Variants in UBE2H observed in about 807,000 individuals in gnomAD.
UBE2H encodes ubiquitin conjugating enzyme E2 H.
A neutral mutation model predicts 29.0 loss-of-function variants in UBE2H; 3 were observed. The ratio of observed to expected loss-of-function variants is 0.10; its 90% CI spans 0.05 to 0.27. The LOEUF (loss-of-function observed/expected upper bound fraction) is 0.27, where lower values mean the gene tolerates loss of function less well. Ranked by LOEUF, UBE2H falls within the 10% of genes least tolerant of loss-of-function variation. The probability of loss-of-function intolerance (pLI) is 1.00; values close to 1 mark genes in which losing one functional copy is unlikely to be tolerated. For synonymous variants in UBE2H, 69 were observed against 82.9 expected, an observed-to-expected ratio of 0.83 and a Z score of 0.91; for missense variants, 68 against 228.2, an observed-to-expected ratio of 0.30 and a Z score of 4.52.
chr7:129,917,587 A>G (rs1186810151), intron 1 of UBE2H, among the ~76,000 whole-genome samples: 1 of 152,218 alleles, frequency 6.6e-6, no homozygotes, highest in African/African-American at 2.4e-5. Context: ...GCTTCTGTCT[A>G]GTTCTTTTCA....
chr7:129,935,698 T>C (rs1279251829), intron 1 of UBE2H, among the ~76,000 whole-genome samples: 1 of 152,220 alleles, frequency 6.6e-6, no homozygotes, highest in Non-Finnish European at 1.5e-5. Flanking sequence ...CTTATATTGA[T>C]AAGCAGGATT....
chr7:129,864,626 A>G (rs973198367), intron 3 of UBE2H, among the ~76,000 whole-genome samples: 1 of 135,660 alleles, frequency 7.4e-6, no homozygotes, highest in Non-Finnish European at 1.5e-5. Context: ...ATCTCGGCTC[A>G]CTGCAGCCTC....
intron 3 of UBE2H, among the ~76,000 whole-genome samples, chr7:129,859,388 G>A (rs189412708): frequency 5.9e-5 from 9 of 152,212 alleles, no homozygotes; most frequent in Non-Finnish European, 1.2e-4. Context: ...TGGCTGCACT[G>A]TGCACGGAAC....
intron 1 of UBE2H, among the ~76,000 whole-genome samples, chr7:129,939,261 A>G (rs1807594391): frequency 6.6e-6 from 1 of 152,196 alleles, no homozygotes; most frequent in African/African-American, 2.4e-5. Context: ...TGTACACTAC[A>G]GCCTTGGACT....
chr7:129,857,415 C>T (rs1805726566), intron 5 of UBE2H, 96 bp downstream of exon 5: 1 of 1,350,088 alleles, frequency 7.4e-7, no homozygotes, highest in Admixed American at 2.2e-5. Flanking sequence ...CTTCCCATTA[C>T]CAACAAAACA....
chr7:129,923,151 C>T (rs1228196834), intron 1 of UBE2H, among the ~76,000 whole-genome samples: 2 of 152,100 alleles, frequency 1.3e-5, no homozygotes, highest in South Asian at 2.1e-4. Context: ...CCACCCGCCT[C>T]GGCCTCCCAA....
chr7:129,855,645 G>C (rs1001642649), intron 5 of UBE2H, among the ~76,000 whole-genome samples: 4 of 152,226 alleles, frequency 2.6e-5, no homozygotes, highest in Non-Finnish European at 5.9e-5. Flanking sequence ...GAGAGAGAGA[G>C]ACGAGAACAA....
intron 1 of UBE2H, among the ~76,000 whole-genome samples, chr7:129,902,135 G>T (rs1806728027): frequency 6.6e-6 from 1 of 152,072 alleles, no homozygotes; most frequent in Non-Finnish European, 1.5e-5. Flanking sequence ...CTGAGCAAAT[G>T]AATAAAAAAA....
chr7:129,874,634 A>G (rs1806110729), intron 3 of UBE2H, among the ~76,000 whole-genome samples: 1 of 152,024 alleles, frequency 6.6e-6, no homozygotes, highest in Non-Finnish European at 1.5e-5. Flanking sequence ...GAAGACTTTT[A>G]TATTTTTTTT....
rs1422913248 is a variant in UBE2H, at chr7:129,906,211, TC to T, written c.54-25241del. Among the ~76,000 whole-genome samples the T allele has an allele frequency of 2.6e-3, 366 of 142,658 alleles. 2 individuals are homozygous for T. The highest frequency in any genetic ancestry group is 0.014 in the Middle Eastern group (4 of 292). 93.6% of individuals were successfully genotyped at this position (142,658 alleles called of 152,430 possible). ...CCGAGTAAAGCCATTTTTTTTTCTT[TC>T]TTTTTTTTTTTTTGAGACAGTCTTG... On this transcript the variant is annotated intron_variant, in intron 1 of 6. Coordinates refer to ENST00000355621, the MANE Select transcript of UBE2H (RefSeq NM_003344.4).
At chr7:129,934,217 G>C (rs578082826) in intron 1 of UBE2H, among the ~76,000 whole-genome samples, 1 of 152,146 alleles carries the variant, frequency 6.6e-6, no homozygotes, top group African/African-American at 2.4e-5. Context: ...AGCTACTCAG[G>C]AGGCTGAGGC....
intron 5 of UBE2H, among the ~76,000 whole-genome samples, chr7:129,851,552 T>C (rs940148797): frequency 3.9e-5 from 6 of 152,160 alleles, no homozygotes; most frequent in African/African-American, 1.4e-4. Flanking sequence ...TCAGTAATCG[T>C]AAGTGAATGA....
chr7:129,906,259 G>A (rs1186356131), intron 1 of UBE2H, among the ~76,000 whole-genome samples: 1 of 149,652 alleles, frequency 6.7e-6, no homozygotes, highest in African/African-American at 2.5e-5. Context: ...AGGCTGGAGT[G>A]CAGTGGCGCC....
At chr7:129,930,633 G>T (rs908510769) in intron 1 of UBE2H, among the ~76,000 whole-genome samples, 52 of 152,082 alleles carry the variant, frequency 3.4e-4, no homozygotes, top group African/African-American at 1.1e-3. Flanking sequence ...TAACAGCTGG[G>T]CACAGTGGCT....
At chr7:129,854,067 T>TTTTTTTTTTTATTTTTATTTA (rs1554430948) in intron 5 of UBE2H, among the ~76,000 whole-genome samples, 2 of 148,784 alleles carry the variant, frequency 1.3e-5, no homozygotes, top group Non-Finnish European at 3.0e-5. Context: ...TTAGTTTTTT[T>TTTTTTTTTTTATTTTTATTTA]TTTTTTTTTT....
chr7:129,880,531 T>C, intron 2 of UBE2H, among the ~76,000 whole-genome samples: 2 of 152,156 alleles, frequency 1.3e-5, no homozygotes, highest in South Asian at 4.2e-4. Flanking sequence ...ATAAATAAAA[T>C]ACAGTATAAC....
At chr7:129,837,270 T>C (rs1584734930) in intron 6 of UBE2H, among the ~76,000 whole-genome samples, 1 of 152,044 alleles carries the variant, frequency 6.6e-6, no homozygotes, top group Non-Finnish European at 1.5e-5. Context: ...TCCTCAGGGA[T>C]GACAAAGGAA....
At chr7:129,878,149 C>T (rs1312899392) in intron 3 of UBE2H, among the ~76,000 whole-genome samples, 1 of 152,174 alleles carries the variant, frequency 6.6e-6, no homozygotes, top group Non-Finnish European at 1.5e-5. Flanking sequence ...GAAAAGCCCT[C>T]TCAAAAGGAG....
rs1011641403 is a variant in UBE2H, at chr7:129,881,031, AAC to A, written c.54-62_54-61del. Reference sequence around the variant, plus strand: ...TACAGTATCTGGCAGAATTACCAATAACACCCCAGGCATATGCCACTTAAAGT... The same window carrying A: ...TACAGTATCTGGCAGAATTACCAATAACCCCAGGCATATGCCACTTAAAGT... On this transcript the variant is annotated intron_variant, in intron 1 of 6. Coordinates refer to ENST00000355621, the MANE Select transcript of UBE2H (RefSeq NM_003344.4). 4.0e-6 allele frequency: 6 copies of A among 1,491,480 alleles called. No homozygotes were observed. The African/African-American group carries it at 5.6e-5, about 14-fold the overall frequency. 92.4% of individuals were successfully genotyped at this position (1,491,480 alleles called of 1,614,324 possible). A position where few individuals can be genotyped will look rare whatever the true frequency, so the allele number is the denominator to read the frequency against.
Sources: allele counts gnomAD v4.1 joint callset (sites outside exome capture counted in the v4.1 genomes callset), GRCh38; gene constraint gnomAD v4.1.1; transcripts MANE v1.5; gene names NCBI Gene and HGNC (gene_info 2026-07-23, HGNC 2026-07-21).